Variants in NKAIN2 observed in about 807,000 individuals in gnomAD.
NKAIN2 encodes the protein sodium/potassium transporting ATPase interacting 2.
A neutral mutation model predicts 32.6 loss-of-function variants in NKAIN2; 14 were observed. The ratio of observed to expected loss-of-function variants is 0.43; its 90% CI spans 0.28 to 0.67. The LOEUF is 0.67. Among genes scored for constraint, NKAIN2 ranks in the 30% least tolerant of loss-of-function variants. NKAIN2 has a pLI of 0.17. For synonymous variants in NKAIN2, 80 were observed against 87.2 expected (o/e 0.92, Z 0.46); for missense variants, 198 against 258.3 (o/e 0.77, Z 1.60).
At chr6:124,570,080 A>C (rs549508004) in intron 3 of NKAIN2, among the ~76,000 whole-genome samples, 16 of 152,304 alleles carry the variant, frequency 1.1e-4, no homozygotes, top group African/African-American at 3.8e-4. Context: ...GTGGCAATTT[A>C]GCCCCTGCCC....
intron 5 of NKAIN2, among the ~76,000 whole-genome samples, chr6:124,807,257 C>A (rs1343157041): frequency 2.6e-5 from 4 of 151,760 alleles, no homozygotes; most frequent in South Asian, 2.1e-4. Flanking sequence ...CTCCTCAGCA[C>A]ATGTAAAAGA....
intron 1 of NKAIN2, among the ~76,000 whole-genome samples, chr6:124,091,352 G>C (rs1784411112): frequency 6.6e-6 from 1 of 151,940 alleles, no homozygotes; most frequent in Admixed American, 6.6e-5. Flanking sequence ...TTTAATTATA[G>C]ATCCTAGTCA....
intron 1 of NKAIN2, among the ~76,000 whole-genome samples, chr6:124,182,242 A>G (rs1177197697): frequency 6.6e-6 from 1 of 152,140 alleles, no homozygotes; most frequent in East Asian, 1.9e-4. Context: ...GTTACCTCCC[A>G]CTGAGTCTCT....
At chr6:124,119,541 T>C (rs1241769483) in intron 1 of NKAIN2, among the ~76,000 whole-genome samples, 1 of 152,192 alleles carries the variant, frequency 6.6e-6, no homozygotes, top group Non-Finnish European at 1.5e-5. Context: ...CTAAAGAACA[T>C]GCCAGAACTC....
At chr6:123,804,378 T>C (rs1416972438) in intron 1 of NKAIN2, 124 bp downstream of exon 1, 2 of 822,360 alleles carry the variant, frequency 2.4e-6, no homozygotes, top group East Asian at 5.1e-5. Context: ...GTGACAGATA[T>C]ATTGCCTATA....
At chr6:124,348,866 C>T (rs530204714) in intron 2 of NKAIN2, among the ~76,000 whole-genome samples, 359 of 152,228 alleles carry the variant, frequency 2.4e-3, no homozygotes, top group Middle Eastern at 0.02. Flanking sequence ...TGACAGACAA[C>T]ACCTGGAAAA....
chr6:124,429,204 ATTT>A (rs34137588), intron 3 of NKAIN2, among the ~76,000 whole-genome samples: 55 of 141,746 alleles, frequency 3.9e-4, no homozygotes, highest in African/African-American at 1.4e-3. Context: ...CTCCTGGCTA[ATTT>A]TTTTTTTTTT....
intron 1 of NKAIN2, among the ~76,000 whole-genome samples, chr6:123,946,470 C>A (rs1266888614): frequency 6.6e-6 from 1 of 151,916 alleles, no homozygotes; most frequent in Admixed American, 6.6e-5. Context: ...AAATTATCAC[C>A]ATGGAAATTT....
At chr6:124,492,913 T>TA (rs1777920565) in intron 3 of NKAIN2, among the ~76,000 whole-genome samples, 1 of 151,878 alleles carries the variant, frequency 6.6e-6, no homozygotes, top group Non-Finnish European at 1.5e-5. Context: ...CACACCATGG[T>TA]AGTCAAGAGG....
At chr6:124,179,544 T>G (rs1395033482) in intron 1 of NKAIN2, among the ~76,000 whole-genome samples, 1 of 152,144 alleles carries the variant, frequency 6.6e-6, no homozygotes, top group East Asian at 1.9e-4. Flanking sequence ...CCAGAGAAGT[T>G]ACAAAATTAC....
chr6:124,369,898 T>TTTTTTTTTTTTTTTA (rs1554196328), intron 3 of NKAIN2, among the ~76,000 whole-genome samples: 18 of 148,662 alleles, frequency 1.2e-4, no homozygotes, highest in Non-Finnish European at 7.4e-5. Context: ...TTTTTTTTTT[T>TTTTTTTTTTTTTTTA]AACCTGTGGA....
At chr6:124,649,244 A>C (rs1209635464) in intron 3 of NKAIN2, among the ~76,000 whole-genome samples, 5 of 152,152 alleles carry the variant, frequency 3.3e-5, no homozygotes, top group African/African-American at 9.6e-5. Flanking sequence ...GCTAAGAACA[A>C]AAGAGGGAAG....
intron 2 of NKAIN2, among the ~76,000 whole-genome samples, chr6:124,340,618 G>A (rs919508451): frequency 6.6e-6 from 1 of 152,128 alleles, no homozygotes; most frequent in Non-Finnish European, 1.5e-5. Context: ...ACTTAGAGGT[G>A]AGAACATGCT....
intron 1 of NKAIN2, among the ~76,000 whole-genome samples, chr6:123,887,986 T>C (rs963325818): frequency 1.3e-5 from 2 of 152,144 alleles, no homozygotes; most frequent in African/African-American, 4.8e-5. Context: ...ATGAGAATAC[T>C]ACTCGTATTG....
At chr6:124,186,193 GGAAGGAAA>G (rs1172667566) in intron 1 of NKAIN2, among the ~76,000 whole-genome samples, 8 of 142,624 alleles carry the variant, frequency 5.6e-5, no homozygotes, top group Admixed American at 3.6e-4. Flanking sequence ...AAGGAAGGAA[GGAAGGAAA>G]GAAGGAAAGA....
At chr6:123,955,630 A>G (rs1582838431) in intron 1 of NKAIN2, among the ~76,000 whole-genome samples, 2 of 149,972 alleles carry the variant, frequency 1.3e-5, no homozygotes. Flanking sequence ...ATTTTATTTT[A>G]TTTTATTTTT....
intron 5 of NKAIN2, among the ~76,000 whole-genome samples, chr6:124,805,655 G>A (rs9491236): frequency 0.079 from 12,065 of 152,200 alleles, 736 homozygotes; most frequent in African/African-American, 0.16. Flanking sequence ...TGACTTTGAC[G>A]AGTTGAGAGA....
chr6:124,809,634 G>A (rs1364794868), intron 5 of NKAIN2, among the ~76,000 whole-genome samples: 5 of 149,760 alleles, frequency 3.3e-5, no homozygotes, highest in Admixed American at 2.7e-4. Context: ...TTGACAAATG[G>A]GATCTAATGA....
intron 3 of NKAIN2, among the ~76,000 whole-genome samples, chr6:124,586,446 G>A (rs796460403): frequency 9.2e-5 from 14 of 152,244 alleles, no homozygotes; most frequent in Admixed American, 2.0e-4. Context: ...ACTTGAGGGC[G>A]TAGGCTGGAA....
Sources: allele counts gnomAD v4.1 joint callset (sites outside exome capture counted in the v4.1 genomes callset), GRCh38; gene constraint gnomAD v4.1.1; transcripts MANE v1.5; gene names NCBI Gene and HGNC (gene_info 2026-07-23, HGNC 2026-07-21).